Variants in CDC25C observed in about 807,000 individuals in gnomAD.
CDC25C encodes M-phase inducer phosphatase 3.
CDC25C carries 48 observed loss-of-function variants against 52.5 expected under a neutral mutation model. That is an observed-to-expected ratio of 0.91 (90% CI 0.72 to 1.16). The LOEUF is 1.16. Among genes scored for constraint, CDC25C ranks in the 50% most tolerant of loss-of-function variants. The pLI, the probability that CDC25C is intolerant of heterozygous loss-of-function variation, is 0.00. For missense variants in CDC25C, 510 were observed against 566.1 expected, an observed-to-expected ratio of 0.90 and a Z score of 1.01; for synonymous variants, 187 against 206.5, an observed-to-expected ratio of 0.91 and a Z score of 0.81.
chr5:138,322,297 G>A (rs562910942), intron 6 of CDC25C, among the ~76,000 whole-genome samples: 2 of 140,874 alleles, frequency 1.4e-5, no homozygotes, highest in South Asian at 2.3e-4. Flanking sequence ...CACAGCACCC[G>A]GCCTATAATT....
Position 138,325,904 on chromosome 5 carries a change from C to T in CDC25C, c.370G>A (p.Ala124Thr). ...TTCGGAGTGCTACAAAGAAGCTGTG[C>T]CTAAAAAAGAGAGTTTGCTGAGAAC... Reference protein sequence around the residue: ...HDQHLMKCSPAQLLCSTPNGL... With the variant: ...HDQHLMKCSPTQLLCSTPNGL... Residue 124 changes from alanine to threonine, a missense_variant and splice_region_variant, in exon 6 of 14, where the codon GCA (alanine) becomes ACA (threonine). By Grantham distance (58) the Ala-to-Thr change is moderately conservative. Transcript: ENST00000323760. 1 of 1,613,984 alleles carries T rather than the reference C, an allele frequency of 6.2e-7. No homozygotes were observed. The highest frequency in any genetic ancestry group is 8.5e-7 in the Non-Finnish European group (1 of 1,179,888).
intron 4 of CDC25C, among the ~76,000 whole-genome samples, chr5:138,327,898 G>A (rs1240094603): frequency 2.7e-5 from 4 of 148,812 alleles, no homozygotes; most frequent in Non-Finnish European, 5.9e-5. Flanking sequence ...ACGGAGTCTC[G>A]CTCTGTCGCC....
chr5:138,333,378 T>G (rs1760529938), upstream of CDC25C: 1 of 151,976 alleles, frequency 6.6e-6, no homozygotes, highest in Admixed American at 6.6e-5. Context: ...TGGTAGTGGC[T>G]GAGAGGCACA....
At chr5:138,304,650 C>T (rs910209421) in intron 7 of CDC25C, among the ~76,000 whole-genome samples, 5 of 152,008 alleles carry the variant, frequency 3.3e-5, no homozygotes, top group Middle Eastern at 3.2e-3. Context: ...GGACTACAGG[C>T]ATGCACTACC....
intron 7 of CDC25C, among the ~76,000 whole-genome samples, chr5:138,301,028 A>T (rs1757591653): frequency 6.6e-6 from 1 of 152,228 alleles, no homozygotes; most frequent in Admixed American, 6.5e-5. Flanking sequence ...CCTTATTTAA[A>T]AAGGTCTCAA....
At chr5:138,299,495 CAAAA>C (rs70982704) in intron 7 of CDC25C, among the ~76,000 whole-genome samples, 3 of 90,562 alleles carry the variant, frequency 3.3e-5, no homozygotes, top group Non-Finnish European at 2.2e-5. Context: ...GACTCCGTCT[CAAAA>C]AAAAAAAAAA....
At chr5:138,323,871 T>A (rs879430330) in intron 6 of CDC25C, among the ~76,000 whole-genome samples, 4 of 149,332 alleles carry the variant, frequency 2.7e-5, no homozygotes, top group Non-Finnish European at 4.4e-5. Context: ...GGCAAGAGAA[T>A]CTCTTGAACC....
At chr5:138,326,095 T>A (rs200723419) in intron 4 of CDC25C, 41 bp from the exon 5 acceptor site, 21 of 1,607,500 alleles carry the variant, frequency 1.3e-5, no homozygotes, top group Middle Eastern at 3.3e-4. Flanking sequence ...TAGTCCCAAA[T>A]ACTGTTTGAT....
At chr5:138,316,678 G>C (rs1009243863) in intron 7 of CDC25C, among the ~76,000 whole-genome samples, 1 of 152,152 alleles carries the variant, frequency 6.6e-6, no homozygotes, top group Non-Finnish European at 1.5e-5. Context: ...GCAGGGTAGA[G>C]GATGGAGAAA....
intron 8 of CDC25C, 44 bp downstream of exon 8, chr5:138,291,926 T>C (rs1756753588): frequency 1.3e-6 from 2 of 1,533,884 alleles, no homozygotes; most frequent in African/African-American, 1.4e-5. Context: ...AGCAAAGACA[T>C]GAGATAGAAG....
At chr5:138,309,794 C>T (rs1259324420) in intron 7 of CDC25C, among the ~76,000 whole-genome samples, 1 of 149,820 alleles carries the variant, frequency 6.7e-6, no homozygotes, top group Non-Finnish European at 1.5e-5. Flanking sequence ...GCAACCTCCA[C>T]CTCTCAGGTT....
chr5:138,311,121 AT>A (rs972994789), intron 7 of CDC25C, among the ~76,000 whole-genome samples: 1 of 152,132 alleles, frequency 6.6e-6, no homozygotes, highest in Non-Finnish European at 1.5e-5. Flanking sequence ...GGACAACTGG[AT>A]TTTACATTCC....
At chr5:138,318,681 C>T (rs1759097625) in intron 7 of CDC25C, among the ~76,000 whole-genome samples, 1 of 152,120 alleles carries the variant, frequency 6.6e-6, no homozygotes, top group Non-Finnish European at 1.5e-5. Flanking sequence ...CGCCACTGCA[C>T]TCCAGCCTAG....
At chr5:138,301,846 G>C (rs1479302332) in intron 7 of CDC25C, among the ~76,000 whole-genome samples, 10 of 151,410 alleles carry the variant, frequency 6.6e-5, no homozygotes, top group Non-Finnish European at 1.3e-4. Flanking sequence ...TGGAATTACA[G>C]GTGTGTGCCA....
chr5:138,286,209 G>C (rs1221908391), intron 12 of CDC25C, 76 bp from the exon 13 acceptor site: 12 of 1,139,424 alleles, frequency 1.1e-5, no homozygotes, highest in African/African-American at 1.5e-5. Flanking sequence ...ACTGGGGAGG[G>C]GGGAGAGGAG....
chr5:138,315,995 T>A (rs1009508795), intron 7 of CDC25C, among the ~76,000 whole-genome samples: 1 of 152,222 alleles, frequency 6.6e-6, no homozygotes, highest in African/African-American at 2.4e-5. Context: ...CTGGGCCTCC[T>A]GTTCCACGGA....
chr5:138,293,232 C>T (rs1407963207), intron 7 of CDC25C, among the ~76,000 whole-genome samples: 1 of 152,134 alleles, frequency 6.6e-6, no homozygotes. Flanking sequence ...GATGACTGGA[C>T]CATATTGCTG....
At chr5:138,338,066 C>T (rs1760840352) in exon 1 of CDC25C, 2 of 1,289,806 alleles carry the variant, frequency 1.6e-6, no homozygotes, top group South Asian at 2.5e-5. Context: ...AAACCACCCC[C>T]ATCCCTAAAT....
At chr5:138,293,890 A>G (rs1221081365) in intron 7 of CDC25C, among the ~76,000 whole-genome samples, 4 of 152,146 alleles carry the variant, frequency 2.6e-5, no homozygotes, top group African/African-American at 9.6e-5. Flanking sequence ...TAAGTGATCC[A>G]TCCGCCTTGG....
Sources: allele counts gnomAD v4.1 joint callset (sites outside exome capture counted in the v4.1 genomes callset), GRCh38; gene constraint gnomAD v4.1.1; transcripts MANE v1.5; gene names NCBI Gene and HGNC (gene_info 2026-07-23, HGNC 2026-07-21).